Variants in PPM1L observed in about 807,000 individuals in gnomAD.
The protein encoded by PPM1L is protein phosphatase, Mg2+/Mn2+ dependent 1L, also known as protein phosphatase 1L.
PPM1L carries 13 observed loss-of-function variants against 31.4 expected under a neutral mutation model. The observed-to-expected ratio is 0.41, with a 90% CI of 0.27 to 0.66. The LOEUF is 0.66. Among genes scored for constraint, PPM1L ranks in the 30% least tolerant of loss-of-function variants. PPM1L has a pLI of 0.29. For synonymous variants in PPM1L, 184 were observed against 175.4 expected (o/e 1.05, Z -0.39); for missense variants, 326 against 453.7 (o/e 0.72, Z 2.56).
intron 1 of PPM1L, among the ~76,000 whole-genome samples, chr3:160,904,840 G>A (rs1713688561): frequency 6.6e-6 from 1 of 152,164 alleles, no homozygotes; most frequent in Non-Finnish European, 1.5e-5. Context: ...TTCACGATAT[G>A]AGTGGCTCCC....
chr3:161,001,336 C>G (rs1404439077), intron 2 of PPM1L, among the ~76,000 whole-genome samples: 3 of 152,058 alleles, frequency 2.0e-5, no homozygotes, highest in Non-Finnish European at 4.4e-5. Context: ...GGCTGGAGTA[C>G]AGTGGTGCAA....
At chr3:160,891,844 C>T (rs541970375) in intron 1 of PPM1L, among the ~76,000 whole-genome samples, 11 of 152,256 alleles carry the variant, frequency 7.2e-5, no homozygotes, top group Admixed American at 2.6e-4. Context: ...ATGTCCTTTG[C>T]AGGAATGTGG....
At chr3:160,771,124 G>A (rs897761294) in intron 1 of PPM1L, among the ~76,000 whole-genome samples, 3 of 152,066 alleles carry the variant, frequency 2.0e-5, no homozygotes, top group Non-Finnish European at 4.4e-5. Context: ...TTTTTATAGT[G>A]TTTTAAATGA....
chr3:160,758,259 A>T (rs1047082620), intron 1 of PPM1L, among the ~76,000 whole-genome samples: 1 of 152,200 alleles, frequency 6.6e-6, no homozygotes, highest in East Asian at 1.9e-4. Context: ...GGGCAAAAAC[A>T]TATCTTAATG....
chr3:160,825,061 A>G (rs1044386989), intron 1 of PPM1L, among the ~76,000 whole-genome samples: 1 of 152,112 alleles, frequency 6.6e-6, no homozygotes, highest in Non-Finnish European at 1.5e-5. Flanking sequence ...CTATGTGCCA[A>G]AAAAATCTGT....
chr3:161,015,210 T>G (rs1174713036), intron 2 of PPM1L, among the ~76,000 whole-genome samples: 1 of 152,158 alleles, frequency 6.6e-6, no homozygotes, highest in Non-Finnish European at 1.5e-5. Flanking sequence ...TGCGCTATCC[T>G]TCCTTCCCCT....
At chr3:160,794,791 G>A (rs1221839153) in intron 1 of PPM1L, among the ~76,000 whole-genome samples, 1 of 152,122 alleles carries the variant, frequency 6.6e-6, no homozygotes, top group South Asian at 2.1e-4. Context: ...AAAAAAAATC[G>A]CAAGAAAATC....
chr3:160,770,097 A>G (rs1003696694), intron 1 of PPM1L, among the ~76,000 whole-genome samples: 1 of 152,154 alleles, frequency 6.6e-6, no homozygotes, highest in Non-Finnish European at 1.5e-5. Flanking sequence ...TTACTGACTC[A>G]ACTTCCTATT....
chr3:161,072,831 A>ACTT lies in PPM1L; in HGVS notation c.*3675_*3677dup, dbSNP rs1465665849. 1 of 152,238 alleles carries ACTT rather than the reference A, an allele frequency of 6.6e-6. No individual in the cohort carries two copies. Among genetic ancestry groups the ACTT allele is most frequent in the East Asian group, 1.9e-4 (1 of 5,196 alleles). The allele number at this position is 152,238 out of a possible 1,614,324, so 9.4% of individuals were successfully genotyped here. Reference sequence around the variant, plus strand: ...TATATTTGAAACTATAGGAATATATACTTTGTATAAAACTTTTCCAATGAT... The same window carrying ACTT: ...TATATTTGAAACTATAGGAATATATACTTCTTTGTATAAAACTTTTCCAATGAT... On this transcript the variant is annotated 3_prime_UTR_variant, in exon 4 of 4. Coordinates refer to ENST00000498165, the MANE Select transcript of PPM1L (RefSeq NM_139245.4).
intron 2 of PPM1L, among the ~76,000 whole-genome samples, chr3:160,997,850 C>A (rs1371247516): frequency 6.6e-6 from 1 of 152,044 alleles, no homozygotes; most frequent in African/African-American, 2.4e-5. Flanking sequence ...ATAAGGACAG[C>A]CTATCACTAA....
At chr3:160,935,430 A>G (rs1249582607) in intron 1 of PPM1L, among the ~76,000 whole-genome samples, 1 of 152,194 alleles carries the variant, frequency 6.6e-6, no homozygotes, top group South Asian at 2.1e-4. Flanking sequence ...ATGTGTATAT[A>G]AATGCCCCCT....
chr3:161,053,988 C>A (rs1186120830), intron 2 of PPM1L, among the ~76,000 whole-genome samples: 2 of 152,148 alleles, frequency 1.3e-5, no homozygotes, highest in Non-Finnish European at 2.9e-5. Flanking sequence ...GTCATTCCTG[C>A]CGCTCTGCTC....
At position 160,906,009 on chromosome 3, in the gene PPM1L, G is replaced by T. The variant is rs1713741977; in HGVS notation, c.400-55727G>T. 2.0e-5 allele frequency among the ~76,000 whole-genome samples: 3 copies of T among 151,822 alleles called. No individual in the cohort carries two copies. The South Asian group carries it at 6.2e-4, about 32-fold the overall frequency. ...GCTTCCTTTTGGGCTTCTATTCATT[G>T]AACAATTTCTAATTTTTACTAGTTT... is the stretch of plus-strand genomic sequence containing the variant. On this transcript the variant is annotated intron_variant, in intron 1 of 3. Coordinates refer to ENST00000498165, the MANE Select transcript of PPM1L (RefSeq NM_139245.4).
intron 2 of PPM1L, among the ~76,000 whole-genome samples, chr3:161,010,393 T>C (rs938363288): frequency 1.3e-5 from 2 of 152,200 alleles, no homozygotes; most frequent in African/African-American, 4.8e-5. Context: ...ATGGTGTATA[T>C]GTGCCACATT....
At chr3:160,984,382 C>G (rs1023922803) in intron 2 of PPM1L, among the ~76,000 whole-genome samples, 1 of 152,192 alleles carries the variant, frequency 6.6e-6, no homozygotes, top group Non-Finnish European at 1.5e-5. Context: ...TTAAGGTTAT[C>G]TCCCTTGTTC....
chr3:160,935,923 A>C (rs934513923), intron 1 of PPM1L, among the ~76,000 whole-genome samples: 2 of 152,180 alleles, frequency 1.3e-5, no homozygotes, highest in Non-Finnish European at 2.9e-5. Flanking sequence ...TTGGTCTCTC[A>C]GGCCTGCATC....
At chr3:160,886,199 C>T in intron 1 of PPM1L, among the ~76,000 whole-genome samples, 1 of 152,326 alleles carries the variant, frequency 6.6e-6, no homozygotes, top group East Asian at 1.9e-4. Context: ...GGACAGAACA[C>T]GGATCTCCCT....
chr3:161,036,408 C>CT (rs980976881), intron 2 of PPM1L, among the ~76,000 whole-genome samples: 64 of 152,238 alleles, frequency 4.2e-4, no homozygotes, highest in African/African-American at 1.5e-3. Context: ...ATTACTTACC[C>CT]TTTTTGTGTC....
intron 2 of PPM1L, among the ~76,000 whole-genome samples, chr3:161,035,349 T>C (rs1464499809): frequency 6.6e-6 from 1 of 152,144 alleles, no homozygotes; most frequent in East Asian, 1.9e-4. Context: ...ACAGGAAAAC[T>C]TCTGTTTCAT....
Sources: allele counts gnomAD v4.1 joint callset (sites outside exome capture counted in the v4.1 genomes callset), GRCh38; gene constraint gnomAD v4.1.1; transcripts MANE v1.5; gene names NCBI Gene and HGNC (gene_info 2026-07-23, HGNC 2026-07-21).